The following KCNK2 variants were observed in gnomAD, a reference collection of about 807,000 sequenced individuals.
The protein encoded by KCNK2 is potassium two pore domain channel subfamily K member 2, also known as potassium channel subfamily K member 2.
Under a neutral mutation model 40.5 loss-of-function variants are expected in KCNK2, and 21 were observed. The observed-to-expected ratio is 0.52, with a 90% CI of 0.37 to 0.75. The LOEUF (loss-of-function observed/expected upper bound fraction) is 0.75. KCNK2 is among the 30% of genes least tolerant of loss of function. The pLI is 0.00. For missense variants in KCNK2, 399 were observed against 531.6 expected, an observed-to-expected ratio of 0.75 and a Z score of 2.45; for synonymous variants, 191 against 202.2, an observed-to-expected ratio of 0.94 and a Z score of 0.47.
intron 1 of KCNK2, among the ~76,000 whole-genome samples, chr1:215,040,413 G>C (rs147393672): frequency 9.1e-4 from 138 of 152,286 alleles, no homozygotes; most frequent in African/African-American, 3.2e-3. Flanking sequence ...GCCTGGGCCA[G>C]TTTGACTTTA....
At chr1:215,119,134 T>C (rs982672082) in intron 2 of KCNK2, among the ~76,000 whole-genome samples, 2 of 152,174 alleles carry the variant, frequency 1.3e-5, no homozygotes, top group Non-Finnish European at 2.9e-5. Context: ...AATGAAAACA[T>C]GGCCATTCTA....
At chr1:215,008,480 C>T (rs1358866108) in intron 1 of KCNK2, among the ~76,000 whole-genome samples, 1 of 152,038 alleles carries the variant, frequency 6.6e-6, no homozygotes, top group East Asian at 1.9e-4. Flanking sequence ...GAATTCCAGA[C>T]CCCCTACTTA....
intron 3 of KCNK2, among the ~76,000 whole-genome samples, chr1:215,136,319 A>T (rs1203599432): frequency 6.6e-6 from 1 of 150,716 alleles, no homozygotes; most frequent in Non-Finnish European, 1.5e-5. Flanking sequence ...CTTGTCTCGA[A>T]CTCCTGAGCT....
chr1:215,016,285 T>TAGAGGATGCGGTA (rs80185209), intron 1 of KCNK2, among the ~76,000 whole-genome samples: 1 of 151,580 alleles, frequency 6.6e-6, no homozygotes, highest in Non-Finnish European at 1.5e-5. Context: ...TTAAGAGATA[T>TAGAGGATGCGGTA]AGAACACATA....
At chr1:215,016,721 G>A (rs1342398807) in intron 1 of KCNK2, among the ~76,000 whole-genome samples, 1 of 151,974 alleles carries the variant, frequency 6.6e-6, no homozygotes, top group Non-Finnish European at 1.5e-5. Context: ...CCAAAGCACA[G>A]GCAAATGAAA....
intron 3 of KCNK2, among the ~76,000 whole-genome samples, chr1:215,154,332 T>G (rs894564864): frequency 2.6e-5 from 4 of 152,224 alleles, no homozygotes; most frequent in Non-Finnish European, 5.9e-5. Context: ...GATTTGCATT[T>G]CTCTAATGGT....
chr1:215,150,697 A>AT (rs940540079), intron 3 of KCNK2, among the ~76,000 whole-genome samples: 1 of 151,974 alleles, frequency 6.6e-6, no homozygotes, highest in African/African-American at 2.4e-5. Context: ...TGTTTTCCAT[A>AT]TTTTAATCAT....
At chr1:215,052,018 A>G (rs1658007456) in intron 1 of KCNK2, among the ~76,000 whole-genome samples, 1 of 152,228 alleles carries the variant, frequency 6.6e-6, no homozygotes, top group South Asian at 2.1e-4. Context: ...AGTACCTACT[A>G]TGTGCCAGGT....
intron 3 of KCNK2, among the ~76,000 whole-genome samples, chr1:215,142,012 C>T (rs1053769813): frequency 2.0e-5 from 3 of 151,984 alleles, no homozygotes; most frequent in Non-Finnish European, 2.9e-5. Flanking sequence ...TCTTCCATTA[C>T]TTTTTTTCTG....
intron 1 of KCNK2, among the ~76,000 whole-genome samples, chr1:215,029,902 A>G (rs975841607): frequency 6.6e-6 from 1 of 152,088 alleles, no homozygotes; most frequent in Non-Finnish European, 1.5e-5. Context: ...TTGTGTGGAC[A>G]TGTTTTTGAT....
chr1:215,112,660 G>A (rs148337663), intron 2 of KCNK2, among the ~76,000 whole-genome samples: 16 of 152,174 alleles, frequency 1.1e-4, no homozygotes, highest in Non-Finnish European at 1.5e-4. Context: ...TCATGTAAGT[G>A]TACCATTTTT....
chr1:215,141,668 T>G (rs1410253300), intron 3 of KCNK2, among the ~76,000 whole-genome samples: 2 of 152,138 alleles, frequency 1.3e-5, no homozygotes, highest in Non-Finnish European at 2.9e-5. Context: ...TATAAAATTC[T>G]GGGATCACAA....
chr1:215,013,411 T>G (rs896675489), intron 1 of KCNK2, among the ~76,000 whole-genome samples: 12 of 152,192 alleles, frequency 7.9e-5, no homozygotes, highest in African/African-American at 2.9e-4. Flanking sequence ...AAAAAAATGT[T>G]TTCTAGGTCA....
chr1:215,226,106 T>C (rs895032671), intron 6 of KCNK2, among the ~76,000 whole-genome samples: 1 of 152,214 alleles, frequency 6.6e-6, no homozygotes, highest in Non-Finnish European at 1.5e-5. Flanking sequence ...AAGGGCTTTC[T>C]TGACATTATT....
intron 2 of KCNK2, among the ~76,000 whole-genome samples, chr1:215,091,896 A>G (rs552000007): frequency 3.3e-5 from 5 of 152,306 alleles, no homozygotes; most frequent in South Asian, 2.1e-4. Context: ...AAGAACTACA[A>G]GGATGCTGGG....
intron 6 of KCNK2, among the ~76,000 whole-genome samples, chr1:215,230,610 C>T (rs1013978788): frequency 2.4e-4 from 26 of 106,326 alleles, no homozygotes; most frequent in Middle Eastern, 5.8e-3. Context: ...TATATATAGC[C>T]GTATATATAT....
intron 3 of KCNK2, among the ~76,000 whole-genome samples, chr1:215,130,953 CAG>C (rs1661644874): frequency 6.6e-6 from 1 of 151,760 alleles, no homozygotes; most frequent in Non-Finnish European, 1.5e-5. Context: ...CTCCGCCTCC[CAG>C]GTTCACGCCA....
intron 6 of KCNK2, among the ~76,000 whole-genome samples, chr1:215,225,556 A>T (rs1666352959): frequency 6.6e-6 from 1 of 152,216 alleles, no homozygotes; most frequent in Admixed American, 6.5e-5. Flanking sequence ...CTATGAAAAT[A>T]TCACCTTTAT....
rs115918743 is a variant in KCNK2, at chr1:215,204,089, C to G, written c.963+8997C>G. Among the ~76,000 whole-genome samples, 1,163 of 135,538 alleles carry G rather than the reference C, an allele frequency of 8.6e-3. 19 individuals carry two copies. The highest frequency in any genetic ancestry group is 0.029 in the African/African-American group (1,088 of 37,492). The allele number at this position is 135,538 out of a possible 152,430, so 88.9% of individuals were successfully genotyped here. On this transcript the variant is annotated intron_variant, in intron 6 of 6. Coordinates refer to ENST00000444842, the MANE Select transcript of KCNK2 (RefSeq NM_001017425.3). ...AGAACTAGTTTCTACATTAAATGTTCCTAAAATCTACCCACATGCTCATTT... is the reference window on the plus strand; with the variant it reads ...AGAACTAGTTTCTACATTAAATGTTGCTAAAATCTACCCACATGCTCATTT...
Sources: allele counts gnomAD v4.1 joint callset (sites outside exome capture counted in the v4.1 genomes callset), GRCh38; gene constraint gnomAD v4.1.1; transcripts MANE v1.5; gene names NCBI Gene and HGNC (gene_info 2026-07-23, HGNC 2026-07-21).